Variants in NPEPL1 observed in about 807,000 individuals in gnomAD.
NPEPL1 encodes probable aminopeptidase NPEPL1.
In NPEPL1, 45 loss-of-function variants were observed where a neutral mutation model predicts 52.4. The ratio of observed to expected loss-of-function variants is 0.86; its 90% CI spans 0.68 to 1.10. The LOEUF (loss-of-function observed/expected upper bound fraction) is 1.10, where lower values mean the gene tolerates loss of function less well. Among genes scored for constraint, NPEPL1 ranks in the 50% least tolerant of loss-of-function variants. The pLI is 0.00. For synonymous variants in NPEPL1, 360 were observed against 314.7 expected, an observed-to-expected ratio of 1.14 and a Z score of -1.52; for missense variants, 696 against 710.9, an observed-to-expected ratio of 0.98 and a Z score of 0.24.
intron 6 of NPEPL1, among the ~76,000 whole-genome samples, chr20:58,702,012 C>CCTGGG (rs1295850371): frequency 2.0e-5 from 3 of 152,182 alleles, no homozygotes; most frequent in African/African-American, 4.8e-5. Flanking sequence ...TGTGCTCAGG[C>CCTGGG]CTGGGCTGGG....
intron 6 of NPEPL1, among the ~76,000 whole-genome samples, chr20:58,701,718 C>A (rs2084627324): frequency 6.6e-6 from 1 of 152,126 alleles, no homozygotes; most frequent in East Asian, 1.9e-4. Flanking sequence ...TGCCCATGGT[C>A]CCCACTGAGA....
intron 5 of NPEPL1, among the ~76,000 whole-genome samples, chr20:58,699,545 C>T (rs2084568187): frequency 6.6e-6 from 1 of 152,244 alleles, no homozygotes; most frequent in African/African-American, 2.4e-5. Flanking sequence ...TCTCCAGCGT[C>T]CTCGCGTGCT....
Position 58,699,220 on chromosome 20 carries a change from G to C in NPEPL1, c.621G>C (p.Glu207Asp). ...AGGAGATTAACAAAGTTGGAAAGGA[G>C]CTGGGGATCATCCCAACCATCATCC... ...FLEEINKVGK[E>D]LGIIPTIIRD... is the part of the protein sequence containing the mutation. Residue 207 changes from glutamate to aspartate, a missense_variant, in exon 5 of 12, where the codon GAG becomes GAC. Physicochemically the swap from Glu to Asp is conservative, Grantham distance 45 (BLOSUM62 2). Transcript: ENST00000356091. 6.2e-7 allele frequency: 1 copy of C among 1,603,238 alleles called. No homozygotes were observed. The highest frequency in any genetic ancestry group is 8.5e-7 in the Non-Finnish European group (1 of 1,174,882).
At position 58,713,283 on chromosome 20, in the gene NPEPL1, CCATT is replaced by C; in HGVS notation, c.1002-134_1002-131del. ...AGGGACTGGGGGCATCCCGGCCTTC[CCATT>C]CAGGGAACGTGTTGGGGTTCGGGGA... On this transcript the variant is annotated intron_variant, in intron 8 of 11. Transcript: ENST00000356091. This position sits in a 1 kb window ranked among gnomAD's most constrained non-coding sequence, Gnocchi z 4.6. 2 of 1,178,392 alleles carry C rather than the reference CCATT, an allele frequency of 1.7e-6. No individual in the cohort carries two copies. Among genetic ancestry groups the C allele is most frequent in the Non-Finnish European group, 2.3e-6 (2 of 853,456 alleles). The allele number at this position is 1,178,392 out of a possible 1,614,324, so 73.0% of individuals were successfully genotyped here. A position where few individuals can be genotyped will look rare whatever the true frequency, so the allele number is the denominator to read the frequency against.
At chr20:58,694,616 C>T in intron 3 of NPEPL1, 24 bp downstream of exon 3, 2 of 1,597,054 alleles carry the variant, frequency 1.3e-6, no homozygotes, top group Non-Finnish European at 1.7e-6. Context: ...AGGGCAGACA[C>T]TGCCCCTGGG....
chr20:58,713,462 G>C lies in NPEPL1; in HGVS notation c.1044G>C (p.Val348=), dbSNP rs753371593. 3 of 1,610,948 alleles carry C rather than the reference G, an allele frequency of 1.9e-6. No homozygotes were observed. The Admixed American group carries it at 5.0e-5, about 27-fold the overall frequency. ...ACACGGATGCCGAGGGCAGGCTGGT[G>C]CTGGCAGATGGCGTGTCCTATGCTT... The part of the protein sequence containing the change: ...INNTDAEGRL[V]LADGVSYACK... Residue 348 remains valine (V), a synonymous_variant, in exon 9 of 12, where the codon GTG becomes GTC. Transcript: ENST00000356091. The surrounding 1 kb of genome is among the most constrained non-coding windows in gnomAD (Gnocchi z 4.6).
chr20:58,698,868 C>A, intron 4 of NPEPL1, 95 bp downstream of exon 4: 1 of 1,059,756 alleles, frequency 9.4e-7, no homozygotes, highest in South Asian at 1.4e-5. Context: ...TGTCCACACC[C>A]TGACGTGGCC....
chr20:58,694,480 C>G lies in NPEPL1; in HGVS notation c.395C>G (p.Pro132Arg), dbSNP rs1391530775. The change falls in exon 3 of 12, where the codon CCG becomes CGG. Residue 132 changes from proline to arginine, a missense_variant. Transcript: ENST00000356091. ...GCCTGTGCCCTGGCCCGGGCCTTCC[C>G]GCTGTTCACCCACCGCTCAGGTGCC... is the stretch of plus-strand genomic sequence containing the variant. ...ASACALARAFPLFTHRSGASR... is the reference protein window; with the variant it reads ...ASACALARAFRLFTHRSGASR... 1 of 1,613,856 alleles carries G rather than the reference C, an allele frequency of 6.2e-7. No homozygotes were observed. The highest frequency in any genetic ancestry group is 1.3e-5 in the African/African-American group (1 of 74,936).
chr20:58,692,120 C>A, upstream of NPEPL1: 1 of 436,358 alleles, frequency 2.3e-6, no homozygotes, highest in Non-Finnish European at 4.1e-6. The surrounding 1 kb of genome is among the most constrained non-coding windows in gnomAD (Gnocchi z 5.7). Flanking sequence ...AAGGGGTGGG[C>A]GGGAAGGCCC....
intron 3 of NPEPL1, 70 bp from the exon 4 acceptor site, chr20:58,698,614 C>A: frequency 7.8e-7 from 1 of 1,281,444 alleles, no homozygotes; most frequent in South Asian, 1.2e-5. Context: ...GCCTTTTGTT[C>A]CTGGGGGATG....
chr20:58,711,096 T>TCCTCCCCTGCC (rs1555851542), intron 7 of NPEPL1: 1 of 43,078 alleles, frequency 2.3e-5, no homozygotes. Flanking sequence ...CCTCCTCTCC[T>TCCTCCCCTGCC]CCTCCTCCTC....
intron 3 of NPEPL1, among the ~76,000 whole-genome samples, chr20:58,694,917 CGT>C (rs566594874): frequency 3.9e-4 from 59 of 152,254 alleles, no homozygotes; most frequent in South Asian, 1.5e-3. Flanking sequence ...GATGTATGCA[CGT>C]GTGTGTGTAT....
intron 10 of NPEPL1, 192 bp downstream of exon 10, chr20:58,714,285 C>T (rs2084913206): frequency 1.6e-6 from 1 of 640,458 alleles, no homozygotes; most frequent in Non-Finnish European, 2.6e-6. Flanking sequence ...TCACTGGCTT[C>T]CCTGCCACAC....
chr20:58,712,624 G>C (rs374509095), intron 8 of NPEPL1, 45 bp downstream of exon 8: 2 of 1,407,074 alleles, frequency 1.4e-6, no homozygotes, highest in Non-Finnish European at 2.0e-6. Flanking sequence ...GTTGGAACTC[G>C]CGACCCTTCC....
chr20:58,695,023 GT>G (rs2084439192), intron 3 of NPEPL1, among the ~76,000 whole-genome samples: 1 of 1,876 alleles, frequency 5.3e-4, no homozygotes. Flanking sequence ...ATGTGTGTGT[GT>G]GTGTGGTATG....
chr20:58,705,000 CACATT>C (rs776206974), intron 6 of NPEPL1, among the ~76,000 whole-genome samples: 14 of 152,162 alleles, frequency 9.2e-5, no homozygotes, highest in East Asian at 3.9e-4. Context: ...AAATTTTTGA[CACATT>C]ACATTATATA....
chr20:58,695,792 C>G (rs777844797), intron 3 of NPEPL1, among the ~76,000 whole-genome samples: 3 of 152,184 alleles, frequency 2.0e-5, no homozygotes, highest in Admixed American at 6.5e-5. Context: ...ACTGGTTTGC[C>G]TTGCTTAATC....
rs757775025 is a variant in NPEPL1, at chr20:58,698,758, C to T, written c.582C>T (p.Thr194=). 4.9e-5 allele frequency: 79 copies of T among 1,612,480 alleles called. No individual in the cohort carries two copies. Among genetic ancestry groups the T allele is most frequent in the Non-Finnish European group, 6.0e-5 (71 of 1,179,760 alleles). ...IVDTPCNEMN[T]DTFLEEINKV... is the part of the protein sequence containing the mutation. Reference sequence around the variant, plus strand: ...ACACACCCTGCAATGAGATGAACACCGACACCTTCCTCGAGGTTTGTGGCG... The same window carrying T: ...ACACACCCTGCAATGAGATGAACACTGACACCTTCCTCGAGGTTTGTGGCG... The change falls in exon 4 of 12, where the codon ACC becomes ACT. Residue 194 remains threonine, a synonymous_variant. Transcript: ENST00000356091.
intron 5 of NPEPL1, among the ~76,000 whole-genome samples, chr20:58,699,919 G>C (rs73124373): frequency 1.3e-5 from 2 of 152,210 alleles, no homozygotes; most frequent in East Asian, 3.9e-4. Context: ...TCCCCTCCCC[G>C]TGCTGTGGGT....
Sources: gnomAD v4.1 joint callset for allele counts (sites outside exome capture counted in the v4.1 genomes callset) on GRCh38, gnomAD v4.1.1 for gene constraint, Gnocchi (gnomAD v3.1) non-coding constraint, MANE v1.5 for transcripts, NCBI Gene and HGNC (gene_info 2026-07-23, HGNC 2026-07-21) for gene names.